The following CSGALNACT1 variants were observed in gnomAD, a reference collection of about 807,000 sequenced individuals.
The protein encoded by CSGALNACT1 is beta4GalNAcT-1.
A neutral mutation model predicts 51.0 loss-of-function variants in CSGALNACT1; 52 were observed. The observed-to-expected ratio is 1.02, with a 90% CI of 0.82 to 1.29. CSGALNACT1 has a LOEUF of 1.29. Ranked by LOEUF, CSGALNACT1 falls within the 50% of genes most tolerant of loss-of-function variation. CSGALNACT1 has a pLI of 0.00. For missense variants in CSGALNACT1, 935 were observed against 679.2 expected, an observed-to-expected ratio of 1.38 and a Z score of -4.19; for synonymous variants, 341 against 254.4, an observed-to-expected ratio of 1.34 and a Z score of -3.24.
At chr8:19,704,827 T>G (rs2062068863) in intron 1 of CSGALNACT1, among the ~76,000 whole-genome samples, 1 of 152,146 alleles carries the variant, frequency 6.6e-6, no homozygotes, top group South Asian at 2.1e-4. Flanking sequence ...TTATGCTAAG[T>G]GAAACAACCT....
intron 3 of CSGALNACT1, among the ~76,000 whole-genome samples, chr8:19,582,482 G>A (rs150149430): frequency 2.3e-4 from 35 of 152,280 alleles, no homozygotes; most frequent in African/African-American, 8.2e-4. Context: ...ATTTTCTGTA[G>A]TTCAGCTGTG....
At position 19,666,791 on chromosome 8, in the gene CSGALNACT1, GAAAGAAAGAAAGAA is replaced by G. The variant is rs1443915105; in HGVS notation, c.-544+15668_-544+15681del. ...AGAAAGAAAGAAAGAAAGAAAGAAA[GAAAGAAAGAAAGAA>G]AGAAAGAGAGAGAGAGAGAGAGAGA... On this transcript the variant is annotated intron_variant, in intron 1 of 9. Coordinates refer to the CSGALNACT1 transcript ENST00000332246. Among the ~76,000 whole-genome samples, 117 of 20,420 alleles carry G rather than the reference GAAAGAAAGAAAGAA, an allele frequency of 5.7e-3. 1 individual carries two copies. The highest frequency in any genetic ancestry group is 0.024 in the Middle Eastern group (1 of 42). 13.4% of individuals were successfully genotyped at this position (20,420 alleles called of 152,430 possible).
chr8:19,588,528 T>C (rs1409209338), intron 3 of CSGALNACT1, among the ~76,000 whole-genome samples: 2 of 152,224 alleles, frequency 1.3e-5, no homozygotes, highest in African/African-American at 4.8e-5. Context: ...TGCCCATAAA[T>C]TGCAGTGTGC....
At chr8:19,551,724 C>G (rs191265709) in intron 3 of CSGALNACT1, among the ~76,000 whole-genome samples, 199 of 151,354 alleles carry the variant, frequency 1.3e-3, no homozygotes, top group Middle Eastern at 6.8e-3. Context: ...AATCCAATTC[C>G]CACTCAACAA....
chr8:19,502,220 ATC>A (rs2076543371), intron 4 of CSGALNACT1, among the ~76,000 whole-genome samples: 2 of 152,226 alleles, frequency 1.3e-5, no homozygotes, highest in African/African-American at 4.8e-5. Context: ...ATGGCAGAGC[ATC>A]TCTGAGAGAT....
chr8:19,466,463 A>G (rs1471858893), intron 4 of CSGALNACT1, among the ~76,000 whole-genome samples: 2 of 152,204 alleles, frequency 1.3e-5, no homozygotes, highest in Non-Finnish European at 2.9e-5. Context: ...TACTCTGTTC[A>G]AAAAAGGAAC....
In CSGALNACT1 at chr8:19,453,033, G is replaced by T. The variant is rs142304617; in HGVS notation, c.851+5393C>A. On this transcript the variant is annotated intron_variant, in intron 5 of 9. Coordinates refer to ENST00000454498, the Ensembl canonical transcript of CSGALNACT1. ...CAAACTATGTTCGAGCAAACAGAAG[G>T]CTGGGTAGTCCCCTGCACGTAATGA... Among the ~76,000 whole-genome samples the T allele has an allele frequency of 1.0e-3, 154 of 152,252 alleles. 1 individual carries two copies. The highest frequency in any genetic ancestry group is 1.7e-3 in the Non-Finnish European group (117 of 68,018).
At chr8:19,682,227 T>G (rs1330827321) in intron 1 of CSGALNACT1, among the ~76,000 whole-genome samples, 1 of 152,062 alleles carries the variant, frequency 6.6e-6, no homozygotes, top group African/African-American at 2.4e-5. Context: ...TGAGCCTCTG[T>G]TTGTACTCCT....
chr8:19,512,447 A>C (rs187378096), intron 3 of CSGALNACT1, among the ~76,000 whole-genome samples: 34 of 152,318 alleles, frequency 2.2e-4, no homozygotes, highest in Non-Finnish European at 4.1e-4. Flanking sequence ...CTTTAAGCTA[A>C]AGTTTTGGAA....
chr8:19,480,649 C>A (rs1028838443), intron 4 of CSGALNACT1, among the ~76,000 whole-genome samples: 1 of 152,134 alleles, frequency 6.6e-6, no homozygotes, highest in African/African-American at 2.4e-5. Context: ...TAGCAAAGAG[C>A]ATAGTTGCTG....
intron 1 of CSGALNACT1, among the ~76,000 whole-genome samples, chr8:19,716,207 TA>T (rs1426417620): frequency 2.6e-5 from 4 of 152,038 alleles, no homozygotes. Context: ...TTTTGTCTTC[TA>T]GGGGAGACAC....
At chr8:19,739,788 C>T in intron 1 of CSGALNACT1, among the ~76,000 whole-genome samples, 1 of 152,230 alleles carries the variant, frequency 6.6e-6, no homozygotes, top group East Asian at 1.9e-4. Context: ...TTCCTAATAA[C>T]TGTGTGGAAC....
chr8:19,658,460 A>G (rs2058482007), intron 1 of CSGALNACT1, among the ~76,000 whole-genome samples: 1 of 152,224 alleles, frequency 6.6e-6, no homozygotes, highest in South Asian at 2.1e-4. Flanking sequence ...GAGGCCGGGC[A>G]TGGTGGTTCA....
chr8:19,624,245 C>T (rs1564286116), intron 1 of CSGALNACT1, among the ~76,000 whole-genome samples: 1 of 152,132 alleles, frequency 6.6e-6, no homozygotes, highest in African/African-American at 2.4e-5. Context: ...TTGACTTTCA[C>T]CTGGCTAAGA....
intron 3 of CSGALNACT1, among the ~76,000 whole-genome samples, chr8:19,564,054 C>T (rs1267144594): frequency 2.0e-5 from 3 of 152,230 alleles, no homozygotes; most frequent in Non-Finnish European, 4.4e-5. Context: ...CCTGTCCTGA[C>T]TTGATCCTTC....
At chr8:19,723,545 A>T (rs2063238253) in intron 1 of CSGALNACT1, among the ~76,000 whole-genome samples, 1 of 152,226 alleles carries the variant, frequency 6.6e-6, no homozygotes, top group Admixed American at 6.5e-5. Flanking sequence ...TTATAAAATG[A>T]TCCACTAAGG....
chr8:19,594,515 C>T (rs1051867134), intron 2 of CSGALNACT1, among the ~76,000 whole-genome samples: 5 of 152,090 alleles, frequency 3.3e-5, no homozygotes, highest in African/African-American at 1.2e-4. Flanking sequence ...ACTCAAGCTG[C>T]CCACATGCAA....
chr8:19,655,981 G>A (rs939533028), intron 1 of CSGALNACT1, among the ~76,000 whole-genome samples: 1 of 152,120 alleles, frequency 6.6e-6, no homozygotes, highest in African/African-American at 2.4e-5. Context: ...TCTTCTCAGA[G>A]GATAGAGTAT....
chr8:19,584,748 T>C (rs901817385), intron 3 of CSGALNACT1, among the ~76,000 whole-genome samples: 1 of 152,248 alleles, frequency 6.6e-6, no homozygotes, highest in Non-Finnish European at 1.5e-5. Context: ...GCAAGGCTGA[T>C]AGCAGTACAA....
Sources: allele counts gnomAD v4.1 joint callset (sites outside exome capture counted in the v4.1 genomes callset), GRCh38; gene constraint gnomAD v4.1.1; transcripts MANE v1.5; gene names NCBI Gene and HGNC (gene_info 2026-07-23, HGNC 2026-07-21).